EHMT1: variants seen among roughly 807,000 people sequenced by gnomAD.
EHMT1 encodes euchromatic histone lysine methyltransferase 1, also known as histone-lysine N-methyltransferase EHMT1.
In EHMT1, 15 loss-of-function variants were observed where a neutral mutation model predicts 147.2. The observed-to-expected ratio is 0.10, with a 90% CI of 0.07 to 0.16. The LOEUF (loss-of-function observed/expected upper bound fraction) is 0.16, where lower values mean the gene tolerates loss of function less well. Ranked by LOEUF, EHMT1 falls within the 10% of genes least tolerant of loss-of-function variation. The pLI is 1.00. For synonymous variants in EHMT1, 795 were observed against 709.6 expected, an observed-to-expected ratio of 1.12 and a Z score of -1.91; for missense variants, 1,587 against 1,772.4, an observed-to-expected ratio of 0.90 and a Z score of 1.88.
At chr9:137,723,624 C>T (rs1233952991) in intron 3 of EHMT1, among the ~76,000 whole-genome samples, 1 of 152,030 alleles carries the variant, frequency 6.6e-6, no homozygotes, top group Non-Finnish European at 1.5e-5. Context: ...GCCTGTGGCC[C>T]GGGGTGTGCC....
chr9:137,724,850 C>T (rs113540211), intron 3 of EHMT1, among the ~76,000 whole-genome samples: 1 of 150,600 alleles, frequency 6.6e-6, no homozygotes, highest in South Asian at 2.1e-4. Context: ...ATTCGTGTGG[C>T]AGACGTGTGG....
intron 1 of EHMT1, chr9:137,641,587 C>A: frequency 3.5e-6 from 1 of 282,202 alleles, no homozygotes; most frequent in South Asian, 3.2e-5. Flanking sequence ...TTCGCTCTCC[C>A]AGTCCGCTTG....
At position 137,759,501 on chromosome 9, in the gene EHMT1, C is replaced by T. The variant is rs559779941; in HGVS notation, c.1501+1490C>T. Among the ~76,000 whole-genome samples, 9 of 152,224 alleles carry T rather than the reference C, an allele frequency of 5.9e-5. No homozygotes were observed. In the South Asian group the frequency reaches 6.2e-4, roughly 11 times the overall value. ...GTGCGCCTGCTGTCTCTGGTGAGGT[C>T]GGGGGAAGGTAGCTCTAAAGGAAGG... On this transcript the variant is annotated intron_variant, in intron 9 of 26. Coordinates refer to ENST00000460843, the MANE Select transcript of EHMT1 (RefSeq NM_024757.5).
intron 9 of EHMT1, among the ~76,000 whole-genome samples, chr9:137,760,293 G>A (rs1311793116): frequency 6.6e-6 from 1 of 152,188 alleles, no homozygotes; most frequent in Non-Finnish European, 1.5e-5. Flanking sequence ...TAGGCCCTGG[G>A]TTCTTACCTA....
chr9:137,711,569 G>C (rs1303996370), intron 2 of EHMT1, among the ~76,000 whole-genome samples: 1 of 152,218 alleles, frequency 6.6e-6, no homozygotes, highest in Non-Finnish European at 1.5e-5. Flanking sequence ...GAGAACAGCA[G>C]TGGTTACCAG....
At chr9:137,773,835 A>G (rs1950748952) in intron 10 of EHMT1, among the ~76,000 whole-genome samples, 1 of 152,146 alleles carries the variant, frequency 6.6e-6, no homozygotes, top group African/African-American at 2.4e-5. Flanking sequence ...GTTCTTCTTT[A>G]GTGAAATGCC....
At chr9:137,658,525 C>T (rs191126178) in intron 1 of EHMT1, among the ~76,000 whole-genome samples, 1 of 152,218 alleles carries the variant, frequency 6.6e-6, no homozygotes, top group Admixed American at 6.5e-5. Context: ...TCCTGTGTTT[C>T]TGTCCCTTTA....
At chr9:137,740,976 ATTT>A (rs1167049276) in intron 4 of EHMT1, among the ~76,000 whole-genome samples, 1 of 119,458 alleles carries the variant, frequency 8.4e-6, no homozygotes, top group Non-Finnish European at 1.8e-5. Context: ...CCCCGACATG[ATTT>A]TTTTTTTGTT....
At chr9:137,649,584 A>G (rs182134836) in intron 1 of EHMT1, among the ~76,000 whole-genome samples, 14 of 152,320 alleles carry the variant, frequency 9.2e-5, no homozygotes, top group Non-Finnish European at 2.1e-4. Context: ...AAGGATCTTG[A>G]GATGAAGTCG....
At chr9:137,832,803 C>T (rs1235887478) in intron 25 of EHMT1, 1 of 151,842 alleles carries the variant, frequency 6.6e-6, no homozygotes, top group Non-Finnish European at 1.5e-5. Flanking sequence ...GTCGGAAGCC[C>T]CTCACTCTCC....
At chr9:137,720,688 C>T (rs1248920534) in intron 3 of EHMT1, among the ~76,000 whole-genome samples, 1 of 152,178 alleles carries the variant, frequency 6.6e-6, no homozygotes, top group Non-Finnish European at 1.5e-5. Flanking sequence ...CTCTTAAGAT[C>T]ATCCAAGTTA....
At chr9:137,676,692 C>T (rs894354230) in intron 1 of EHMT1, among the ~76,000 whole-genome samples, 1 of 152,176 alleles carries the variant, frequency 6.6e-6, no homozygotes, top group Non-Finnish European at 1.5e-5. Flanking sequence ...GACTGGAGTC[C>T]GCATGAGCAG....
At chr9:137,693,162 G>A (rs540151598) in intron 1 of EHMT1, among the ~76,000 whole-genome samples, 1 of 152,318 alleles carries the variant, frequency 6.6e-6, no homozygotes, top group East Asian at 1.9e-4. Context: ...CGGAGCCACA[G>A]CGTGGAGTTG....
intron 1 of EHMT1, among the ~76,000 whole-genome samples, chr9:137,628,781 A>G (rs1843428418): frequency 1.3e-5 from 2 of 152,158 alleles, no homozygotes; most frequent in Non-Finnish European, 2.9e-5. Context: ...GTCTGTGGCT[A>G]CCTTAGTTGC....
intron 18 of EHMT1, among the ~76,000 whole-genome samples, chr9:137,805,706 A>T (rs1436024411): frequency 6.6e-6 from 1 of 150,390 alleles, no homozygotes; most frequent in Non-Finnish European, 1.5e-5. Context: ...TCCGTCGCCC[A>T]GGCTGGAATG....
chr9:137,672,789 G>A (rs1940831183), intron 1 of EHMT1, among the ~76,000 whole-genome samples: 1 of 152,058 alleles, frequency 6.6e-6, no homozygotes, highest in Admixed American at 6.5e-5. Flanking sequence ...ATGAAATTCA[G>A]CCATGAGTGT....
rs767303892 is a variant in EHMT1 at position 137,641,474 on chromosome 9, G to A, written c.21+22425G>A. 3 of 463,008 alleles carry A rather than the reference G, an allele frequency of 6.5e-6. No homozygotes were observed. In the Admixed American group the frequency reaches 8.2e-5, roughly 13 times the overall value. 28.7% of individuals were successfully genotyped at this position (463,008 alleles called of 1,614,324 possible). A position where few individuals can be genotyped will look rare whatever the true frequency, so the allele number is the denominator to read the frequency against. ...CTTCATCCTCCTCCCAAGCAGTGCAGACGCTTGTGGATGGCTGACAAATGT... is the reference window on the plus strand; with the variant it reads ...CTTCATCCTCCTCCCAAGCAGTGCAAACGCTTGTGGATGGCTGACAAATGT... On this transcript the variant is annotated intron_variant, in intron 1 of 26. Coordinates refer to ENST00000460843, the MANE Select transcript of EHMT1 (RefSeq NM_024757.5).
rs554457961 is a variant in EHMT1 at position 137,794,004 on chromosome 9, A to G, written c.2505+3034A>G. Among the ~76,000 whole-genome samples the G allele has an allele frequency of 2.7e-3, 407 of 152,348 alleles. 3 individuals carry two copies. The highest frequency in any genetic ancestry group is 5.7e-3 in the Admixed American group (87 of 15,302). ...ACTGTATAAAATGTTTTAAATGGCA[A>G]GTTTGGTTATATATTACCATAACAA... On this transcript the variant is annotated intron_variant, in intron 16 of 26. Transcript: ENST00000460843.
chr9:137,799,996 C>T (rs545399782), intron 17 of EHMT1, among the ~76,000 whole-genome samples: 86 of 152,282 alleles, frequency 5.6e-4, no homozygotes, highest in African/African-American at 1.9e-3. Flanking sequence ...TGCTGACTGT[C>T]GACCGCAGGG....
Sources: allele counts gnomAD v4.1 joint callset (sites outside exome capture counted in the v4.1 genomes callset), GRCh38; gene constraint gnomAD v4.1.1; transcripts MANE v1.5; gene names NCBI Gene and HGNC (gene_info 2026-07-23, HGNC 2026-07-21).